The following CALCOCO1 variants were observed in gnomAD, a reference collection of about 807,000 sequenced individuals.
CALCOCO1 encodes calcium-binding and coiled-coil domain-containing protein 1.
A neutral mutation model predicts 86.3 loss-of-function variants in CALCOCO1; 44 were observed. The ratio of observed to expected loss-of-function variants is 0.51; its 90% CI spans 0.40 to 0.66. The LOEUF is 0.66. Ranked by LOEUF, CALCOCO1 falls within the 30% of genes least tolerant of loss-of-function variation. The probability of loss-of-function intolerance (pLI) is 0.00; values close to 1 mark genes in which losing one functional copy is unlikely to be tolerated. For synonymous variants in CALCOCO1, 297 were observed against 327.6 expected (o/e 0.91, Z 1.01); for missense variants, 708 against 851.1 (o/e 0.83, Z 2.09).
Position 53,710,205 on chromosome 12 carries a change from A to G in CALCOCO1, c.*1739T>C, listed in dbSNP as rs183471105. On this transcript the variant is annotated 3_prime_UTR_variant, in exon 15 of 15. Transcript: ENST00000550804. ...AGAGGGGTTGGGATGGAGAGAGGAG[A>G]GATCCATTATCTCTAATTTCCTTGG... 1 of 152,356 alleles carries G rather than the reference A, an allele frequency of 6.6e-6. No individual in the cohort carries two copies. Among genetic ancestry groups the G allele is most frequent in the Admixed American group, 6.5e-5 (1 of 15,296 alleles). The allele number at this position is 152,356 out of a possible 1,614,324, so 9.4% of individuals were successfully genotyped here.
At chr12:53,716,716 C>A (rs769534785) in intron 7 of CALCOCO1, among the ~76,000 whole-genome samples, 1 of 152,170 alleles carries the variant, frequency 6.6e-6, no homozygotes, top group Non-Finnish European at 1.5e-5. Flanking sequence ...TCTTCATGCC[C>A]TACAGGCCCC....
At chr12:53,715,729 T>C in intron 9 of CALCOCO1, 64 bp downstream of exon 9, 4 of 1,581,872 alleles carry the variant, frequency 2.5e-6, no homozygotes, top group East Asian at 2.2e-5. Flanking sequence ...TGACCACATG[T>C]AGGAGTCCCC....
At chr12:53,715,560 A>G (rs939283351) in intron 9 of CALCOCO1, 25 of 745,398 alleles carry the variant, frequency 3.4e-5, no homozygotes, top group Non-Finnish European at 4.9e-5. Context: ...CTAGGACAGA[A>G]AATGTTTCTG....
Position 53,720,558 on chromosome 12 carries a change from C to A in CALCOCO1, c.759-729G>T, listed in dbSNP as rs370751032. On this transcript the variant is annotated intron_variant, in intron 6 of 14. Transcript: ENST00000550804. Reference sequence around the variant, plus strand: ...TGACCACTGCTTTTCTAACCTATGACTTAGAATGTAGACATCTAATATCTC... The same window carrying A: ...TGACCACTGCTTTTCTAACCTATGAATTAGAATGTAGACATCTAATATCTC... 4.9e-4 allele frequency among the ~76,000 whole-genome samples: 75 copies of A among 152,314 alleles called. No homozygotes were observed. In the Middle Eastern group the frequency reaches 0.017, roughly 35 times the overall value.
intron 7 of CALCOCO1, among the ~76,000 whole-genome samples, chr12:53,716,829 G>A (rs1234015937): frequency 5.9e-5 from 9 of 152,120 alleles, no homozygotes; most frequent in Admixed American, 5.9e-4. Flanking sequence ...GGAGTAACCT[G>A]GTGCCCTTGG....
chr12:53,724,531 G>A (rs1391876973), intron 3 of CALCOCO1, 114 bp downstream of exon 3: 16 of 766,796 alleles, frequency 2.1e-5, no homozygotes, highest in Non-Finnish European at 3.2e-5. Flanking sequence ...ATTTATTTTC[G>A]TTTATTTTTC....
chr12:53,717,924 C>A (rs748890265), intron 7 of CALCOCO1, among the ~76,000 whole-genome samples: 11 of 152,152 alleles, frequency 7.2e-5, no homozygotes, highest in Non-Finnish European at 1.2e-4. Context: ...ACTCAGGAGG[C>A]TGAGACAGAA....
intron 12 of CALCOCO1, 63 bp downstream of exon 12, chr12:53,714,070 G>A: frequency 7.0e-7 from 1 of 1,426,090 alleles, no homozygotes; most frequent in Non-Finnish European, 9.8e-7. Flanking sequence ...GTTACATGGA[G>A]CCTTCCTCAA....
In CALCOCO1 at chr12:53,711,873, CCTA is replaced by C; in HGVS notation, c.*68_*70del. 1 of 1,335,518 alleles carries C rather than the reference CCTA, an allele frequency of 7.5e-7. No individual in the cohort carries two copies. Among genetic ancestry groups the C allele is most frequent in the Non-Finnish European group, 1.0e-6 (1 of 1,003,490 alleles). The allele number at this position is 1,335,518 out of a possible 1,614,324, so 82.7% of individuals were successfully genotyped here. A position where few individuals can be genotyped will look rare whatever the true frequency, so the allele number is the denominator to read the frequency against. On this transcript the variant is annotated 3_prime_UTR_variant, in exon 15 of 15. Coordinates refer to ENST00000550804, the MANE Select transcript of CALCOCO1 (RefSeq NM_020898.3). Reference sequence around the variant, plus strand: ...AGTGTGATAGAAAATGGGCATGAAACCTAAGTGTATGCATGTGTGTGAGTGTGT... The same window carrying C: ...AGTGTGATAGAAAATGGGCATGAAACAGTGTATGCATGTGTGTGAGTGTGT...
chr12:53,724,393 T>C, intron 3 of CALCOCO1: 1 of 470,136 alleles, frequency 2.1e-6, no homozygotes, highest in Non-Finnish European at 3.9e-6. Flanking sequence ...TACTCCCCCA[T>C]TTTTCCTTCT....
chr12:53,723,443 G>A, intron 4 of CALCOCO1, 150 bp downstream of exon 4: 1 of 748,698 alleles, frequency 1.3e-6, no homozygotes, highest in South Asian at 1.7e-5. Context: ...ATGTTAGACT[G>A]AGACTCTCCT....
Position 53,724,583 on chromosome 12 carries a change from A to G in CALCOCO1, c.259+62T>C, listed in dbSNP as rs1300458069. On this transcript the variant is annotated intron_variant, in intron 3 of 14. Coordinates refer to ENST00000550804, the MANE Select transcript of CALCOCO1 (RefSeq NM_020898.3). ...AACTTTTAATGTTTCTGAGCCCACT[A>G]CCTTCTTTCAAACCTCCACTCCCTT... is the stretch of plus-strand genomic sequence containing the variant. The G allele has an allele frequency of 5.7e-6, 7 of 1,236,408 alleles. No individual in the cohort carries two copies. The Admixed American group carries it at 1.3e-4, about 22-fold the overall frequency. The allele number at this position is 1,236,408 out of a possible 1,614,324, so 76.6% of individuals were successfully genotyped here.
At chr12:53,715,600 T>C (rs1463700514) in intron 9 of CALCOCO1, 193 bp downstream of exon 9, 10 of 793,106 alleles carry the variant, frequency 1.3e-5, no homozygotes, top group African/African-American at 5.2e-5. Context: ...GTGATCAGGA[T>C]TGGGATACCC....
At chr12:53,722,260 G>C in intron 4 of CALCOCO1, 77 bp from the exon 5 acceptor site, 1 of 1,557,346 alleles carries the variant, frequency 6.4e-7, no homozygotes, top group Non-Finnish European at 8.7e-7. Context: ...CACTCTCCAG[G>C]TGCATTTTGG....
At chr12:53,718,794 T>G (rs1054958571) in intron 7 of CALCOCO1, among the ~76,000 whole-genome samples, 1 of 151,202 alleles carries the variant, frequency 6.6e-6, no homozygotes, top group African/African-American at 2.4e-5. Context: ...CCTCCCAAAG[T>G]GTTATGATCA....
At chr12:53,714,279 G>T (rs762547799) in intron 11 of CALCOCO1, 38 bp from the exon 12 acceptor site, 7 of 1,500,106 alleles carry the variant, frequency 4.7e-6, no homozygotes, top group African/African-American at 1.4e-5. Context: ...GCTAGAGAAT[G>T]GGAAGGTGCC....
At position 53,713,215 on chromosome 12, in the gene CALCOCO1, C is replaced by T. The variant is rs1445763982; in HGVS notation, c.1792-9G>A. On this transcript the variant is annotated splice_polypyrimidine_tract_variant and intron_variant, in intron 13 of 14. Coordinates refer to ENST00000550804, the MANE Select transcript of CALCOCO1 (RefSeq NM_020898.3). Reference sequence around the variant, plus strand: ...TTCTCATCTTCAGCCTCCTGGATGCCAAAGAGACAGGGTTGGGCTTTGGGG... The same window carrying T: ...TTCTCATCTTCAGCCTCCTGGATGCTAAAGAGACAGGGTTGGGCTTTGGGG... 6.2e-7 allele frequency: 1 copy of T among 1,611,914 alleles called. No individual in the cohort carries two copies. Among genetic ancestry groups the T allele is most frequent in the Non-Finnish European group, 8.5e-7 (1 of 1,178,438 alleles).
intron 4 of CALCOCO1, 63 bp downstream of exon 4, chr12:53,723,530 G>A: frequency 6.4e-7 from 1 of 1,556,098 alleles, no homozygotes; most frequent in Non-Finnish European, 8.9e-7. Context: ...GGTGGGAAGG[G>A]TCCTCTTGCA....
rs963234305 is a variant in CALCOCO1, at chr12:53,708,619, A to G, written c.*3325T>C. ...TTATTTTGTATGTATAAAACATTTC[A>G]TTAAAATAACTTAAAGATTATTTCT... On this transcript the variant is annotated 3_prime_UTR_variant, in exon 15 of 15. Coordinates refer to ENST00000550804, the MANE Select transcript of CALCOCO1 (RefSeq NM_020898.3). 2 of 152,172 alleles carry G rather than the reference A, an allele frequency of 1.3e-5. No homozygotes were observed. The highest frequency in any genetic ancestry group is 4.8e-5 in the African/African-American group (2 of 41,434). The allele number at this position is 152,172 out of a possible 1,614,324, so 9.4% of individuals were successfully genotyped here.
Sources: gnomAD v4.1 joint callset for allele counts (sites outside exome capture counted in the v4.1 genomes callset) on GRCh38, gnomAD v4.1.1 for gene constraint, MANE v1.5 for transcripts, NCBI Gene and HGNC (gene_info 2026-07-23, HGNC 2026-07-21) for gene names.